MARK2: variants seen among roughly 807,000 people sequenced by gnomAD.
MARK2 encodes microtubule affinity regulating kinase 2, also known as serine/threonine-protein kinase MARK2.
MARK2 carries 16 observed loss-of-function variants against 89.8 expected under a neutral mutation model. The observed-to-expected ratio is 0.18, with a 90% CI of 0.12 to 0.27. The LOEUF (loss-of-function observed/expected upper bound fraction) is 0.27, where lower values mean the gene tolerates loss of function less well. MARK2 is among the 10% of genes least tolerant of loss of function. The pLI, the probability that MARK2 is intolerant of heterozygous loss-of-function variation, is 1.00. For synonymous variants in MARK2, 382 were observed against 399.5 expected, an observed-to-expected ratio of 0.96 and a Z score of 0.52; for missense variants, 621 against 1,049.9, an observed-to-expected ratio of 0.59 and a Z score of 5.65.
chr11:63,900,630 G>A lies in MARK2; in HGVS notation c.840G>A (p.Leu280=). ...PFYMSTDCEN[L]LKKFLILNPS... ...ACATGTCCACGGACTGTGAAAACCTGCTTAAGAAATTTCTCATTCTTAATC... is the reference window on the plus strand; with the variant it reads ...ACATGTCCACGGACTGTGAAAACCTACTTAAGAAATTTCTCATTCTTAATC... The change falls in exon 9 of 19, where the codon CTG becomes CTA. Residue 280 remains leucine, a synonymous_variant. Transcript: ENST00000402010. The surrounding 1 kb of genome is among the most constrained non-coding windows in gnomAD (Gnocchi z 4.7). The A allele has an allele frequency of 1.2e-6, 2 of 1,614,152 alleles. No individual in the cohort carries two copies. The highest frequency in any genetic ancestry group is 1.7e-6 in the Non-Finnish European group (2 of 1,180,012).
intron 1 of MARK2, among the ~76,000 whole-genome samples, chr11:63,879,557 G>T (rs1347816901): frequency 1.3e-5 from 2 of 151,634 alleles, no homozygotes; most frequent in Non-Finnish European, 2.9e-5. Context: ...CCACAACTTA[G>T]GTGCCCTCTC....
At position 63,902,294 on chromosome 11, in the gene MARK2, T is replaced by C. The variant is rs139460524; in HGVS notation, c.1198T>C (p.Ser400Pro). The C allele has an allele frequency of 3.3e-4, 531 of 1,614,112 alleles. 1 individual carries two copies. The highest frequency in any genetic ancestry group is 2.1e-5 in the Non-Finnish European group (25 of 1,180,000). ...ATCCCACAAGGTACAGCGCAGCGTG[T>C]CGGCCAATCCCAAGCAGCGGCGCTT... ...SPSHKVQRSV[S>P]ANPKQRRFSD... The change falls in exon 12 of 19, where the codon TCG (serine) becomes CCG (proline). Residue 400 changes from serine to proline, a missense_variant. By Grantham distance (74) the Ser-to-Pro change is moderately conservative (BLOSUM62 -1). This residue lies in a region of MARK2 where 397 missense variants were observed against 567.8 expected (regional missense o/e 0.70). Transcript: ENST00000402010. The surrounding 1 kb of genome is among the most constrained non-coding windows in gnomAD (Gnocchi z 4.2).
chr11:63,844,554 T>C (rs1355867808), intron 1 of MARK2, among the ~76,000 whole-genome samples: 1 of 152,204 alleles, frequency 6.6e-6, no homozygotes, highest in Admixed American at 6.5e-5. Context: ...TATAAGACAG[T>C]TGTTGAAACT....
At chr11:63,870,543 G>T (rs1177304545) in intron 1 of MARK2, among the ~76,000 whole-genome samples, 1 of 152,258 alleles carries the variant, frequency 6.6e-6, no homozygotes, top group South Asian at 2.1e-4. Flanking sequence ...TTTCTGGAGA[G>T]CCTGTTAGGT....
At chr11:63,847,012 A>C (rs1011346051) in intron 1 of MARK2, among the ~76,000 whole-genome samples, 1 of 152,132 alleles carries the variant, frequency 6.6e-6, no homozygotes, top group African/African-American at 2.4e-5. Context: ...TATCCCACCT[A>C]CTCAGAAGGC....
intron 17 of MARK2, among the ~76,000 whole-genome samples, chr11:63,906,565 G>T (rs936196949): frequency 6.7e-6 from 1 of 149,704 alleles, no homozygotes; most frequent in Non-Finnish European, 1.5e-5. Context: ...ATGTGCATGC[G>T]CTATGAGGAA....
At chr11:63,867,720 C>T (rs1196778580) in intron 1 of MARK2, among the ~76,000 whole-genome samples, 9 of 152,230 alleles carry the variant, frequency 5.9e-5, no homozygotes, top group Non-Finnish European at 1.2e-4. Flanking sequence ...AGAGTGGCTT[C>T]TTCTCATTCC....
At chr11:63,898,032 G>A (rs1409034466) in intron 3 of MARK2, among the ~76,000 whole-genome samples, 200 bp from the exon 4 acceptor site, 1 of 152,122 alleles carries the variant, frequency 6.6e-6, no homozygotes, top group Non-Finnish European at 1.5e-5. Context: ...CGGGTAGCAC[G>A]TCCCCACAGC....
intron 3 of MARK2, among the ~76,000 whole-genome samples, chr11:63,896,767 G>A (rs1322189639): frequency 6.6e-6 from 1 of 152,082 alleles, no homozygotes; most frequent in Non-Finnish European, 1.5e-5. Flanking sequence ...AGCTTTCCAG[G>A]AGGAAGGGAA....
At chr11:63,895,866 C>T (rs1940352730) in intron 3 of MARK2, among the ~76,000 whole-genome samples, 2 of 151,928 alleles carry the variant, frequency 1.3e-5, no homozygotes, top group African/African-American at 4.8e-5. Context: ...GATGGGGTTT[C>T]ACCATGGTAG....
rs534895419 is a variant in MARK2 at position 63,840,991 on chromosome 11, G to C, written c.54+1431G>C. Among the ~76,000 whole-genome samples the C allele has an allele frequency of 4.6e-5, 7 of 151,764 alleles. No homozygotes were observed. In the South Asian group the frequency reaches 1.5e-3, roughly 32 times the overall value. On this transcript the variant is annotated intron_variant, in intron 1 of 18. Transcript: ENST00000402010. ...TCTAGCGTCCTTTGCTGACTGCTCT[G>C]TGCAGAGTCCCCTGCCTGTCATACC...
intron 18 of MARK2, 104 bp from the exon 19 acceptor site, chr11:63,908,773 C>G: frequency 2.5e-6 from 3 of 1,215,502 alleles, no homozygotes; most frequent in Non-Finnish European, 3.3e-6. Flanking sequence ...GCTCCTGCTC[C>G]CTCCCGCTCT....
At chr11:63,856,049 G>A (rs984380396) in intron 1 of MARK2, among the ~76,000 whole-genome samples, 2 of 152,182 alleles carry the variant, frequency 1.3e-5, no homozygotes, top group African/African-American at 4.8e-5. Context: ...GAGACCAAAG[G>A]TGAGAAAACC....
rs1171451343 is a variant in MARK2 at position 63,904,075 on chromosome 11, C to T, written c.1604C>T (p.Ser535Leu). The change falls in exon 15 of 19, where the codon TCG (serine) becomes TTG (leucine). Residue 535 changes from serine to leucine, a missense_variant. Ser to Leu is a moderately radical substitution (Grantham distance 145). Coordinates refer to ENST00000402010, the MANE Select transcript of MARK2 (RefSeq NM_001039469.3). The surrounding 1 kb of genome is among the most constrained non-coding windows in gnomAD (Gnocchi z 6.3). Reference protein sequence around the residue: ...ARPRQHQKSMSASVHPNKASG... With the variant: ...ARPRQHQKSMLASVHPNKASG... ...CCCCGCCAGCACCAGAAATCCATGT[C>T]GGCCTCCGTGCACCCCAACAAGGCC... 6.2e-7 allele frequency: 1 copy of T among 1,606,600 alleles called. No homozygotes were observed. Among genetic ancestry groups the T allele is most frequent in the Non-Finnish European group, 8.5e-7 (1 of 1,179,494 alleles).
chr11:63,850,261 G>A (rs1000542323), intron 1 of MARK2, among the ~76,000 whole-genome samples: 4 of 150,732 alleles, frequency 2.7e-5, no homozygotes, highest in African/African-American at 9.8e-5. Flanking sequence ...CGATTCTCCT[G>A]CCTCAGCCTC....
At chr11:63,877,178 C>T (rs1238950417) in intron 1 of MARK2, among the ~76,000 whole-genome samples, 1 of 122,054 alleles carries the variant, frequency 8.2e-6, no homozygotes, top group Admixed American at 1.2e-4. Flanking sequence ...GGCATGATTT[C>T]GGCTCACTGC....
intron 1 of MARK2, among the ~76,000 whole-genome samples, chr11:63,858,130 G>A (rs1014441615): frequency 1.3e-5 from 2 of 152,046 alleles, no homozygotes; most frequent in Non-Finnish European, 2.9e-5. Context: ...GGGATCAAGC[G>A]ATTCTTGTGC....
At chr11:63,880,733 C>T (rs1482849932) in intron 1 of MARK2, among the ~76,000 whole-genome samples, 3 of 152,204 alleles carry the variant, frequency 2.0e-5, no homozygotes, top group South Asian at 4.2e-4. Flanking sequence ...TGGGATGGGC[C>T]CTGCTGGTCC....
At chr11:63,854,134 A>G (rs569999990) in intron 1 of MARK2, among the ~76,000 whole-genome samples, 1 of 141,068 alleles carries the variant, frequency 7.1e-6, no homozygotes, top group African/African-American at 2.7e-5. Flanking sequence ...CGGCCTCCCA[A>G]AGTGCTGGGA....
Sources: allele counts gnomAD v4.1 joint callset (sites outside exome capture counted in the v4.1 genomes callset), GRCh38; gene constraint gnomAD v4.1.1; regional missense constraint gnomAD v4.1.1; non-coding constraint Gnocchi (gnomAD v3.1); transcripts MANE v1.5; gene names NCBI Gene and HGNC (gene_info 2026-07-23, HGNC 2026-07-21).